The following PCDH7 variants were observed in gnomAD, a reference collection of about 807,000 sequenced individuals.
The protein encoded by PCDH7 is protocadherin 7.
Under a neutral mutation model 58.9 loss-of-function variants are expected in PCDH7, and 17 were observed. The observed-to-expected ratio is 0.29, with a 90% confidence interval of 0.20 to 0.43. The LOEUF (loss-of-function observed/expected upper bound fraction) is 0.43, where lower values mean the gene tolerates loss of function less well. Ranked by LOEUF, PCDH7 falls within the 20% of genes least tolerant of loss-of-function variation. PCDH7 has a pLI of 1.00. For synonymous variants in PCDH7, 664 were observed against 616.4 expected (o/e 1.08, Z -1.14); for missense variants, 1,274 against 1,441.0 (o/e 0.88, Z 1.88).
rs536337986 is a variant in PCDH7 at position 30,996,749 on chromosome 4, T to C, written c.*7+46534T>C. Among the ~76,000 whole-genome samples, 79 of 152,370 alleles carry C rather than the reference T, an allele frequency of 5.2e-4. 2 individuals carry two copies. The South Asian group carries it at 7.3e-3, about 14-fold the overall frequency. On this transcript the variant is annotated intron_variant, in intron 3 of 3. Transcript: ENST00000509759. Reference sequence around the variant, plus strand: ...ATACTGAGGAATAACTAGGTTTAATTATAAGACAATTGATGAGAACAGTGC... The same window carrying C: ...ATACTGAGGAATAACTAGGTTTAATCATAAGACAATTGATGAGAACAGTGC...
At chr4:31,031,167 C>T (rs1348140753) in intron 3 of PCDH7, among the ~76,000 whole-genome samples, 4 of 152,114 alleles carry the variant, frequency 2.6e-5, no homozygotes, top group Non-Finnish European at 2.9e-5. Flanking sequence ...TTATCAAGCA[C>T]ATATAAAGTG....
intron 1 of PCDH7, among the ~76,000 whole-genome samples, chr4:30,754,144 A>C (rs974285892): frequency 1.1e-4 from 17 of 149,984 alleles, no homozygotes; most frequent in African/African-American, 4.2e-4. Flanking sequence ...AACTGTCAAG[A>C]TTTGCTGCAA....
At chr4:30,792,687 A>G (rs1488598939) in intron 1 of PCDH7, among the ~76,000 whole-genome samples, 1 of 152,142 alleles carries the variant, frequency 6.6e-6, no homozygotes, top group Non-Finnish European at 1.5e-5. Flanking sequence ...CTACTGCTCA[A>G]TTGTGTCAGT....
At chr4:30,736,262 C>A (rs1716240681), downstream of PCDH7, among the ~76,000 whole-genome samples, 1 of 152,034 alleles carries the variant, frequency 6.6e-6, no homozygotes, top group Admixed American at 6.6e-5. Context: ...TTAGAGCAGA[C>A]CAAATGTAAA....
intron 1 of PCDH7, among the ~76,000 whole-genome samples, chr4:30,918,526 T>C (rs1008777885): frequency 2.6e-5 from 4 of 152,078 alleles, no homozygotes; most frequent in Non-Finnish European, 4.4e-5. Flanking sequence ...ATAAGAATAA[T>C]GTTTCTAGAA....
intron 3 of PCDH7, among the ~76,000 whole-genome samples, chr4:31,004,429 G>A (rs1337052364): frequency 6.6e-6 from 1 of 152,082 alleles, no homozygotes; most frequent in Non-Finnish European, 1.5e-5. Flanking sequence ...ATAACATAAG[G>A]CCGGGCGTGG....
chr4:30,804,897 C>T (rs1725987048), intron 1 of PCDH7, among the ~76,000 whole-genome samples: 1 of 152,192 alleles, frequency 6.6e-6, no homozygotes, highest in African/African-American at 2.4e-5. Flanking sequence ...TGTAGTCGTT[C>T]TCTATTAGTC....
At chr4:30,760,987 A>G (rs1719952626) in intron 1 of PCDH7, among the ~76,000 whole-genome samples, 1 of 152,192 alleles carries the variant, frequency 6.6e-6, no homozygotes, top group Non-Finnish European at 1.5e-5. Flanking sequence ...AGACGTCTGT[A>G]AATTCTCCTT....
At chr4:31,003,168 C>T (rs533434678) in intron 3 of PCDH7, among the ~76,000 whole-genome samples, 1 of 152,232 alleles carries the variant, frequency 6.6e-6, no homozygotes, top group African/African-American at 2.4e-5. Flanking sequence ...TCTGTAACTT[C>T]CCTCCCAGAA....
intron 1 of PCDH7, among the ~76,000 whole-genome samples, chr4:30,845,194 T>C (rs1274764938): frequency 6.6e-6 from 1 of 152,204 alleles, no homozygotes; most frequent in Non-Finnish European, 1.5e-5. Flanking sequence ...TTGAGGGTCT[T>C]ATTACACAGT....
chr4:30,862,399 C>T (rs1419417532), intron 1 of PCDH7, among the ~76,000 whole-genome samples: 1 of 152,158 alleles, frequency 6.6e-6, no homozygotes, highest in Non-Finnish European at 1.5e-5. Flanking sequence ...TAGCTGTCTA[C>T]ATCCACAATG....
chr4:30,762,699 G>T (rs937704684), intron 1 of PCDH7, among the ~76,000 whole-genome samples: 1 of 152,138 alleles, frequency 6.6e-6, no homozygotes, highest in Non-Finnish European at 1.5e-5. Context: ...TTACTGTCTT[G>T]GACTGGATTG....
At chr4:30,725,064 G>C in intron 1 of PCDH7, 2 of 1,002,674 alleles carry the variant, frequency 2.0e-6, no homozygotes, top group Non-Finnish European at 2.4e-6. Flanking sequence ...TATTTACAAT[G>C]CAGGATTTTA....
chr4:30,949,764 A>G (rs1040531860), intron 2 of PCDH7, among the ~76,000 whole-genome samples: 5 of 152,080 alleles, frequency 3.3e-5, no homozygotes, highest in East Asian at 1.9e-4. Context: ...GAAAATACAT[A>G]TCTATTTGGT....
At chr4:31,021,390 C>G (rs1456669616) in intron 3 of PCDH7, among the ~76,000 whole-genome samples, 1 of 152,178 alleles carries the variant, frequency 6.6e-6, no homozygotes, top group Non-Finnish European at 1.5e-5. Flanking sequence ...TCTCGACCAA[C>G]ATGGGCTAGA....
At chr4:30,752,783 C>CAAAAAAAAAAAAAAAAAAAGAAAAAAA (rs1718731789) in intron 1 of PCDH7, among the ~76,000 whole-genome samples, 1 of 99,554 alleles carries the variant, frequency 1.0e-5, no homozygotes, top group Non-Finnish European at 2.0e-5. Flanking sequence ...CCTGTAGGGG[C>CAAAAAAAAAAAAAAAAAAAGAAAAAAA]AAAAAAAAAA....
intron 1 of PCDH7, among the ~76,000 whole-genome samples, chr4:30,885,457 G>A (rs968107857): frequency 6.6e-6 from 1 of 152,134 alleles, no homozygotes; most frequent in South Asian, 2.1e-4. Context: ...TGAGCACGAT[G>A]TGAGTGTTAG....
chr4:30,964,117 A>C (rs997862419), intron 3 of PCDH7, among the ~76,000 whole-genome samples: 1 of 152,132 alleles, frequency 6.6e-6, no homozygotes, highest in African/African-American at 2.4e-5. Flanking sequence ...AGCGGAACCC[A>C]CTGGGTGCTT....
At chr4:30,856,970 G>C (rs188344300) in intron 1 of PCDH7, among the ~76,000 whole-genome samples, 14 of 151,676 alleles carry the variant, frequency 9.2e-5, no homozygotes, top group Admixed American at 9.2e-4. Flanking sequence ...ACTTTGTCAG[G>C]CATTTCGGTT....
Sources: allele counts gnomAD v4.1 joint callset (sites outside exome capture counted in the v4.1 genomes callset), GRCh38; gene constraint gnomAD v4.1.1; transcripts MANE v1.5; gene names NCBI Gene and HGNC (gene_info 2026-07-23, HGNC 2026-07-21).